The following FBXL13 variants were observed in gnomAD, a reference collection of about 807,000 sequenced individuals.
FBXL13 encodes F-box and leucine rich repeat protein 13, also known as F-box and leucine-rich repeat protein 13.
A neutral mutation model predicts 83.6 loss-of-function variants in FBXL13; 67 were observed. The observed-to-expected ratio is 0.80, with a 90% CI of 0.66 to 0.98. The LOEUF (loss-of-function observed/expected upper bound fraction) is 0.98, where lower values mean the gene tolerates loss of function less well. Ranked by LOEUF, FBXL13 falls within the 50% of genes least tolerant of loss-of-function variation. The pLI is 0.00. For missense variants in FBXL13, 822 were observed against 866.5 expected, an observed-to-expected ratio of 0.95 and a Z score of 0.64; for synonymous variants, 272 against 299.5, an observed-to-expected ratio of 0.91 and a Z score of 0.95.
chr7:103,011,637 CAAAA>C (rs1323329438), intron 6 of FBXL13, among the ~76,000 whole-genome samples: 1 of 58,500 alleles, frequency 1.7e-5, no homozygotes, highest in Non-Finnish European at 3.5e-5. Context: ...GACTCTGTCT[CAAAA>C]AAAAAAAAAA....
chr7:103,017,470 A>G (rs113367024), intron 6 of FBXL13, among the ~76,000 whole-genome samples: 1 of 152,242 alleles, frequency 6.6e-6, no homozygotes, highest in Non-Finnish European at 1.5e-5. Flanking sequence ...ACAAAGCTAG[A>G]TGGAGAATGA....
chr7:102,923,626 G>C (rs1006269874), intron 10 of FBXL13, among the ~76,000 whole-genome samples: 3 of 151,374 alleles, frequency 2.0e-5, no homozygotes, highest in Non-Finnish European at 2.9e-5. Context: ...TTCAAGACCA[G>C]CCTGACCAAT....
At position 102,878,452 on chromosome 7, in the gene FBXL13, T is replaced by C; in HGVS notation, c.1389-2A>G. ...TGCTTTAGTCCCATATCACCAATTC[T>C]GTAGGAAAGAGAGAAAAATTTTACA... On this transcript the variant is annotated splice_acceptor_variant, in intron 14 of 19. Coordinates refer to ENST00000313221, the Ensembl canonical transcript of FBXL13. LOFTEE classifies it high-confidence loss of function. The C allele has an allele frequency of 1.9e-6, 3 of 1,572,948 alleles. No individual in the cohort carries two copies. The highest frequency in any genetic ancestry group is 2.6e-6 in the Non-Finnish European group (3 of 1,165,354).
At chr7:102,936,561 A>C (rs1161433129) in intron 8 of FBXL13, among the ~76,000 whole-genome samples, 3 of 152,226 alleles carry the variant, frequency 2.0e-5, no homozygotes, top group Admixed American at 2.0e-4. Flanking sequence ...GCTGAAGAGC[A>C]TGTTTATTAG....
At chr7:102,969,540 A>C (rs1483397917) in intron 6 of FBXL13, among the ~76,000 whole-genome samples, 1 of 152,054 alleles carries the variant, frequency 6.6e-6, no homozygotes, top group Non-Finnish European at 1.5e-5. Flanking sequence ...AAACAGAAAG[A>C]AATCACGCCT....
intron 17 of FBXL13, among the ~76,000 whole-genome samples, chr7:102,836,320 A>C (rs1057317357): frequency 6.6e-6 from 1 of 152,232 alleles, no homozygotes; most frequent in African/African-American, 2.4e-5. Context: ...TTGGCGAACT[A>C]AAGTCAGAAC....
intron 1 of FBXL13, among the ~76,000 whole-genome samples, chr7:103,072,182 C>CAAAA (rs879371785): frequency 8.7e-6 from 1 of 114,378 alleles, no homozygotes; most frequent in African/African-American, 3.1e-5. Context: ...GACTCTGTCT[C>CAAAA]AAAAAAAAAA....
chr7:102,924,641 C>CTTTTTTTTTTTTT (rs71106699), intron 10 of FBXL13, among the ~76,000 whole-genome samples: 1 of 121,044 alleles, frequency 8.3e-6, no homozygotes, highest in Non-Finnish European at 1.7e-5. Context: ...GTAAGCTTTT[C>CTTTTTTTTTTTTT]TTTTTTTTTT....
intron 11 of FBXL13, among the ~76,000 whole-genome samples, chr7:102,907,422 A>T (rs990209615): frequency 3.3e-5 from 5 of 151,816 alleles, no homozygotes; most frequent in African/African-American, 1.2e-4. Flanking sequence ...TGCACCCATT[A>T]ACTCATCATT....
chr7:102,907,481 C>A (rs1483833402), intron 11 of FBXL13, among the ~76,000 whole-genome samples: 3 of 151,740 alleles, frequency 2.0e-5, no homozygotes, highest in African/African-American at 7.3e-5. Context: ...TCCCGCCCCC[C>A]CACAACAGGC....
intron 8 of FBXL13, among the ~76,000 whole-genome samples, chr7:102,962,770 G>A (rs1229599117): frequency 6.6e-6 from 1 of 150,472 alleles, no homozygotes; most frequent in Non-Finnish European, 1.5e-5. Context: ...CTCATAGGTG[G>A]GAACTGAACA....
At chr7:102,858,546 T>A (rs951415882) in intron 16 of FBXL13, among the ~76,000 whole-genome samples, 18 of 152,182 alleles carry the variant, frequency 1.2e-4, no homozygotes, top group African/African-American at 4.3e-4. Flanking sequence ...CACAAATATG[T>A]ACAATTATTA....
intron 16 of FBXL13, among the ~76,000 whole-genome samples, chr7:102,874,775 C>T (rs529523299): frequency 6.6e-6 from 1 of 152,272 alleles, no homozygotes; most frequent in East Asian, 1.9e-4. Flanking sequence ...TCATGTTACC[C>T]AGGCTGGTCT....
chr7:102,923,228 C>T (rs2129471227), intron 10 of FBXL13, among the ~76,000 whole-genome samples: 1 of 152,254 alleles, frequency 6.6e-6, no homozygotes, highest in Non-Finnish European at 1.5e-5. Context: ...ACATGACCTA[C>T]TTTTAAATTT....
intron 11 of FBXL13, among the ~76,000 whole-genome samples, chr7:102,892,099 A>G (rs1216369017): frequency 6.6e-6 from 1 of 152,230 alleles, no homozygotes; most frequent in Non-Finnish European, 1.5e-5. Flanking sequence ...GATAGGGAGA[A>G]GAGAATAAGA....
At chr7:102,884,104 T>C in intron 12 of FBXL13, 110 bp downstream of exon 13, 1 of 803,066 alleles carries the variant, frequency 1.2e-6, no homozygotes, top group Non-Finnish European at 2.0e-6. Flanking sequence ...TATTACTATT[T>C]TAAAATAACT....
intron 8 of FBXL13, among the ~76,000 whole-genome samples, chr7:102,946,777 C>T (rs981079049): frequency 2.6e-5 from 4 of 151,872 alleles, no homozygotes; most frequent in Non-Finnish European, 4.4e-5. Flanking sequence ...TGGGTTCAAG[C>T]GATTCTCCTG....
intron 9 of FBXL13, among the ~76,000 whole-genome samples, 192 bp downstream of exon 10, chr7:102,931,689 T>C (rs1240958072): frequency 6.6e-6 from 1 of 152,240 alleles, no homozygotes; most frequent in East Asian, 1.9e-4. Context: ...GCTCCAACAC[T>C]GAGCATACAT....
At chr7:102,864,729 G>A (rs1425766933) in intron 16 of FBXL13, among the ~76,000 whole-genome samples, 1 of 146,106 alleles carries the variant, frequency 6.8e-6, no homozygotes, top group Non-Finnish European at 1.5e-5. Context: ...CTCCTTTTCA[G>A]CAAACAAATC....
Sources: allele counts gnomAD v4.1 joint callset (sites outside exome capture counted in the v4.1 genomes callset), GRCh38; gene constraint gnomAD v4.1.1; transcripts MANE v1.5; gene names NCBI Gene and HGNC (gene_info 2026-07-23, HGNC 2026-07-21).